The following MOK variants were observed in gnomAD, a reference collection of about 807,000 sequenced individuals.
The protein encoded by MOK is MAPK/MAK/MRK overlapping kinase.
In MOK, 59 loss-of-function variants were observed where a neutral mutation model predicts 54.2. The observed-to-expected ratio is 1.09, with a 90% CI of 0.88 to 1.35. The LOEUF (loss-of-function observed/expected upper bound fraction) is 1.35, where lower values mean the gene tolerates loss of function less well. Ranked by LOEUF, MOK falls within the 40% of genes most tolerant of loss-of-function variation. MOK has a pLI of 0.00. For synonymous variants in MOK, 210 were observed against 202.7 expected (o/e 1.04, Z -0.31); for missense variants, 517 against 526.2 (o/e 0.98, Z 0.17).
intron 4 of MOK, among the ~76,000 whole-genome samples, chr14:102,261,418 A>AAAAATAAAT (rs2067434800): frequency 2.3e-5 from 1 of 42,824 alleles, no homozygotes; most frequent in African/African-American, 1.1e-4. Flanking sequence ...AAAAAAAAAA[A>AAAAATAAAT]ATATATATAT....
downstream of MOK, among the ~76,000 whole-genome samples, chr14:102,228,509 C>A (rs904806719): frequency 6.6e-6 from 1 of 152,082 alleles, no homozygotes; most frequent in African/African-American, 2.4e-5. Context: ...ACCAGCCTGA[C>A]CAACATGGAG....
At chr14:102,233,867 C>A in intron 7 of MOK, 78 bp from the exon 8 acceptor site, 1 of 1,062,722 alleles carries the variant, frequency 9.4e-7, no homozygotes, top group South Asian at 1.3e-5. Context: ...CCATCTGGAC[C>A]GCACAAGGGG....
At position 102,249,601 on chromosome 14, in the gene MOK, TG is replaced by T. The variant is rs1034242986; in HGVS notation, c.590+1210del. Among the ~76,000 whole-genome samples, 1 of 151,884 alleles carries T rather than the reference TG, an allele frequency of 6.6e-6. No individual in the cohort carries two copies. Among genetic ancestry groups the T allele is most frequent in the African/African-American group, 2.4e-5 (1 of 41,326 alleles). On this transcript the variant is annotated intron_variant, in intron 7 of 11. Coordinates refer to ENST00000361847, the MANE Select transcript of MOK (RefSeq NM_014226.3). This position sits in a 1 kb window ranked among gnomAD's most constrained non-coding sequence, Gnocchi z 5.3. Reference sequence around the variant, plus strand: ...GTGCATGCCTGTAATCCCAGCTACTTGGGGGGCTGAGGCAGGAGAATCGCTA... The same window carrying T: ...GTGCATGCCTGTAATCCCAGCTACTTGGGGGCTGAGGCAGGAGAATCGCTA...
chr14:102,268,520 T>C (rs533830670), intron 2 of MOK, among the ~76,000 whole-genome samples: 1 of 152,270 alleles, frequency 6.6e-6, no homozygotes, highest in Non-Finnish European at 1.5e-5. Flanking sequence ...GTAAGAGGAA[T>C]GTAGGCAGCC....
At position 102,245,755 on chromosome 14, in the gene MOK, T is replaced by A. The variant is rs181056293; in HGVS notation, c.590+5057A>T. Among the ~76,000 whole-genome samples, 1 of 152,296 alleles carries A rather than the reference T, an allele frequency of 6.6e-6. No homozygotes were observed. Among genetic ancestry groups the A allele is most frequent in the Non-Finnish European group, 1.5e-5 (1 of 68,028 alleles). On this transcript the variant is annotated intron_variant, in intron 7 of 11. Transcript: ENST00000361847. The surrounding 1 kb of genome is among the most constrained non-coding windows in gnomAD (Gnocchi z 4.3). ...AAGCCTGTTTGGTGGTCTTTTCACA[T>A]GGACGTGTGTGACACTTACAACCCC... is the stretch of plus-strand genomic sequence containing the variant.
In MOK at chr14:102,249,133, T is replaced by TAA. The variant is rs1278192379; in HGVS notation, c.590+1678_590+1679insTT. Among the ~76,000 whole-genome samples, 1 of 152,224 alleles carries TAA rather than the reference T, an allele frequency of 6.6e-6. No individual in the cohort carries two copies. The highest frequency in any genetic ancestry group is 1.5e-5 in the Non-Finnish European group (1 of 68,032). On this transcript the variant is annotated intron_variant, in intron 7 of 11. Coordinates refer to ENST00000361847, the MANE Select transcript of MOK (RefSeq NM_014226.3). The surrounding 1 kb of genome is among the most constrained non-coding windows in gnomAD (Gnocchi z 5.3). ...TGCTGGGAGGCTCCACTCTCCCTTG[T>TAA]GCTTGACCTTTTGTTTCCACTTTAC...
chr14:102,260,694 T>C (rs1271358738), intron 4 of MOK: 5 of 151,108 alleles, frequency 3.3e-5, no homozygotes, highest in African/African-American at 1.2e-4. Flanking sequence ...AATATTTATA[T>C]AATGAATGGA....
At position 102,229,649 on chromosome 14, in the gene MOK, G is replaced by A; in HGVS notation, c.990C>T (p.Ser330=). 16 of 1,607,864 alleles carry A rather than the reference G, an allele frequency of 1.0e-5. No individual in the cohort carries two copies. Among genetic ancestry groups the A allele is most frequent in the African/African-American group, 1.3e-5 (1 of 74,774 alleles). ...ISKEGRKQKQ[S]LKQEEDRPKR... is the part of the protein sequence containing the mutation. ...TGGGACGGTCCTCCTCTTGCTTTAG[G>A]GACTGTTTCTTGAAACAGAACAGAG... Residue 330 remains serine, a synonymous_variant, in exon 11 of 12, where the codon TCC becomes TCT. Transcript: ENST00000361847.
At chr14:102,224,352 TTTC>T (rs2064160208), downstream of MOK, 3 of 345,852 alleles carry the variant, frequency 8.7e-6, no homozygotes, top group Non-Finnish European at 1.7e-5. Flanking sequence ...ACCTGAGATT[TTTC>T]TTACTTGGTT....
At chr14:102,288,901 GTT>G (rs1180542684) in intron 1 of MOK, among the ~76,000 whole-genome samples, 1 of 151,612 alleles carries the variant, frequency 6.6e-6, no homozygotes, top group Non-Finnish European at 1.5e-5. Context: ...GTGCAGCTTT[GTT>G]TTGTTTTGTT....
downstream of MOK, among the ~76,000 whole-genome samples, chr14:102,227,639 C>G (rs1243980999): frequency 1.3e-5 from 2 of 152,174 alleles, no homozygotes; most frequent in Non-Finnish European, 2.9e-5. Context: ...AACATTACGG[C>G]AAGCCTCACT....
chr14:102,290,731 T>G (rs1259858653), intron 1 of MOK, among the ~76,000 whole-genome samples: 1 of 152,124 alleles, frequency 6.6e-6, no homozygotes, highest in Non-Finnish European at 1.5e-5. Context: ...AACACGAGGA[T>G]CCCTGAACCC....
At chr14:102,260,705 G>A (rs1339501633) in intron 4 of MOK, 4 of 152,124 alleles carry the variant, frequency 2.6e-5, no homozygotes, top group Non-Finnish European at 5.9e-5. Context: ...AATGAATGGA[G>A]GTCTACTGCG....
At position 102,232,681 on chromosome 14, in the gene MOK, A is replaced by C. The variant is rs1443572368; in HGVS notation, c.720T>G (p.Pro240=). Reference sequence around the variant, plus strand: ...GAGGTATTCCTGATCCCTTTTTAAAAGGAAAATCAAAATTCATAGCTCTCG... The same window carrying C: ...GAGGTATTCCTGATCCCTTTTTAAACGGAAAATCAAAATTCATAGCTCTCG... ...KQSRAMNFDF[P]FKKGSGIPLL... Residue 240 remains proline, a synonymous_variant, in exon 9 of 12, where the codon CCT becomes CCG. Coordinates refer to ENST00000361847, the MANE Select transcript of MOK (RefSeq NM_014226.3). This position sits in a 1 kb window ranked among gnomAD's most constrained non-coding sequence, Gnocchi z 5.1. 3.7e-6 allele frequency: 6 copies of C among 1,613,778 alleles called. No individual in the cohort carries two copies. Among genetic ancestry groups the C allele is most frequent in the Admixed American group, 1.7e-5 (1 of 59,964 alleles).
At chr14:102,214,633 G>A in the MOK span, 1 of 984,862 alleles carries the variant, frequency 1.0e-6, no homozygotes, top group Non-Finnish European at 1.2e-6. Context: ...AGATTGTTAT[G>A]TTAGGCGACA....
chr14:102,271,712 C>G (rs529194702), intron 2 of MOK, among the ~76,000 whole-genome samples: 5 of 152,070 alleles, frequency 3.3e-5, no homozygotes, highest in Non-Finnish European at 7.4e-5. Flanking sequence ...GCATGCACTA[C>G]CACGCCCACC....
At chr14:102,274,133 ATT>A (rs2068632858) in intron 2 of MOK, among the ~76,000 whole-genome samples, 1 of 151,354 alleles carries the variant, frequency 6.6e-6, no homozygotes, top group African/African-American at 2.4e-5. Flanking sequence ...AATTTTCTGT[ATT>A]TTTAGTAGAG....
At chr14:102,252,801 C>T (rs2066633553) in intron 4 of MOK, among the ~76,000 whole-genome samples, 2 of 152,162 alleles carry the variant, frequency 1.3e-5, no homozygotes, top group Non-Finnish European at 2.9e-5. Flanking sequence ...GACTGCAAAG[C>T]ATATAAATGT....
At chr14:102,281,775 T>A (rs1159221542) in intron 2 of MOK, among the ~76,000 whole-genome samples, 1 of 152,046 alleles carries the variant, frequency 6.6e-6, no homozygotes, top group Non-Finnish European at 1.5e-5. Context: ...ATAATCAGTA[T>A]ACTGTGCATC....
Sources: gnomAD v4.1 joint callset for allele counts (sites outside exome capture counted in the v4.1 genomes callset) on GRCh38, gnomAD v4.1.1 for gene constraint, Gnocchi (gnomAD v3.1) non-coding constraint, MANE v1.5 for transcripts, NCBI Gene and HGNC (gene_info 2026-07-23, HGNC 2026-07-21) for gene names.